ERBB4: variants seen among roughly 807,000 people sequenced by gnomAD.
The protein encoded by ERBB4 is receptor tyrosine-protein kinase erbB-4.
A neutral mutation model predicts 158.0 loss-of-function variants in ERBB4; 42 were observed. The ratio of observed to expected loss-of-function variants is 0.27; its 90% confidence interval spans 0.21 to 0.34. The LOEUF is 0.34. Ranked by LOEUF, ERBB4 falls within the 10% of genes least tolerant of loss-of-function variation. The pLI is 1.00. For synonymous variants in ERBB4, 583 were observed against 558.7 expected (o/e 1.04, Z -0.61); for missense variants, 1,333 against 1,624.1 (o/e 0.82, Z 3.08).
intron 20 of ERBB4, among the ~76,000 whole-genome samples, chr2:211,548,517 T>C (rs1402196053): frequency 6.6e-6 from 1 of 152,092 alleles, no homozygotes; most frequent in African/African-American, 2.4e-5. Flanking sequence ...CACACTGTAG[T>C]AGTTATAGAA....
At chr2:211,965,987 G>A (rs2081299835) in intron 2 of ERBB4, among the ~76,000 whole-genome samples, 1 of 152,152 alleles carries the variant, frequency 6.6e-6, no homozygotes, top group Admixed American at 6.5e-5. Context: ...CAGGGCAGGA[G>A]GCTTGCTTCA....
At chr2:212,446,624 T>TA (rs1208614817) in intron 1 of ERBB4, among the ~76,000 whole-genome samples, 4 of 80,578 alleles carry the variant, frequency 5.0e-5, no homozygotes, top group African/African-American at 1.6e-4. Flanking sequence ...TATATATATA[T>TA]ATATATATAT....
At chr2:211,910,573 G>T (rs1258582306) in intron 3 of ERBB4, among the ~76,000 whole-genome samples, 2 of 151,812 alleles carry the variant, frequency 1.3e-5, no homozygotes, top group African/African-American at 4.8e-5. Context: ...GGGGTCTTTT[G>T]CAGGGTGGAG....
chr2:211,756,677 G>A (rs1162654123), intron 4 of ERBB4, among the ~76,000 whole-genome samples: 2 of 152,158 alleles, frequency 1.3e-5, no homozygotes, highest in Non-Finnish European at 2.9e-5. Context: ...TTTATAGTCT[G>A]GTGAGGTACA....
chr2:211,698,333 A>AAG (rs2073102401), intron 12 of ERBB4, among the ~76,000 whole-genome samples: 1 of 149,372 alleles, frequency 6.7e-6, no homozygotes, highest in African/African-American at 2.5e-5. Context: ...AAAAAAAAAA[A>AAG]GGGGAATAAG....
At chr2:212,351,916 T>C (rs930292425) in intron 1 of ERBB4, among the ~76,000 whole-genome samples, 1 of 152,076 alleles carries the variant, frequency 6.6e-6, no homozygotes, top group South Asian at 2.1e-4. Flanking sequence ...TAAATCAACC[T>C]AAATGTCTAT....
At chr2:212,286,089 C>T (rs1314399279) in intron 1 of ERBB4, among the ~76,000 whole-genome samples, 1 of 152,086 alleles carries the variant, frequency 6.6e-6, no homozygotes, top group African/African-American at 2.4e-5. Flanking sequence ...AGTGTCTCCT[C>T]ATAATCACTT....
At chr2:211,939,967 ATAT>A (rs761494086) in intron 3 of ERBB4, among the ~76,000 whole-genome samples, 3 of 117,690 alleles carry the variant, frequency 2.5e-5, no homozygotes, top group African/African-American at 9.1e-5. Flanking sequence ...GAAAAAAAAA[ATAT>A]ATATATATAT....
intron 1 of ERBB4, among the ~76,000 whole-genome samples, chr2:212,491,314 T>G (rs541133757): frequency 6.6e-6 from 1 of 151,728 alleles, no homozygotes; most frequent in East Asian, 1.9e-4. Flanking sequence ...CTAGACTCAC[T>G]TTATTTCATT....
rs74395874 is a variant in ERBB4, at chr2:211,705,269, A to T, written c.1198+49T>A. On this transcript the variant is annotated intron_variant, in intron 10 of 27. Transcript: ENST00000342788. ...GCCCAGTCAATCTTGTGTAATTTTT[A>T]AAAAAATTATATTGTTCATAGCGCA... 143,322 of 1,310,030 alleles carry T rather than the reference A, an allele frequency of 0.11. 10,044 individuals carry two copies. The highest frequency in any genetic ancestry group is 0.13 in the Non-Finnish European group (119,388 of 907,542). 81.2% of individuals were successfully genotyped at this position (1,310,030 alleles called of 1,614,324 possible).
At chr2:211,426,366 T>TC (rs2063627164) in intron 22 of ERBB4, among the ~76,000 whole-genome samples, 1 of 152,186 alleles carries the variant, frequency 6.6e-6, no homozygotes, top group Non-Finnish European at 1.5e-5. Flanking sequence ...GTGAGAATTT[T>TC]CCATAAAGGT....
At chr2:211,389,189 C>T (rs1021800199) in intron 25 of ERBB4, among the ~76,000 whole-genome samples, 1 of 152,138 alleles carries the variant, frequency 6.6e-6, no homozygotes. Context: ...GCACCTGCCA[C>T]CACGCCTGGA....
chr2:212,242,115 TAAC>T (rs2084130550), intron 1 of ERBB4, among the ~76,000 whole-genome samples: 1 of 151,900 alleles, frequency 6.6e-6, no homozygotes, highest in Non-Finnish European at 1.5e-5. Context: ...AATCTCAACA[TAAC>T]AAGATGTTTA....
In ERBB4 at chr2:211,843,415, G is replaced by GCGCA. The variant is rs147810608; in HGVS notation, c.422-55257_422-55256insTGCG. 7.3e-5 allele frequency among the ~76,000 whole-genome samples: 11 copies of GCGCA among 149,930 alleles called. No individual in the cohort carries two copies. In the East Asian group the frequency reaches 1.6e-3, roughly 22 times the overall value. On this transcript the variant is annotated intron_variant, in intron 3 of 27. Coordinates refer to ENST00000342788, the MANE Select transcript of ERBB4 (RefSeq NM_005235.3). ...GGCTGGTGCACATGTGCGTGCGTGT[G>GCGCA]CACACACACACACACACACACAGCA...
At chr2:212,116,819 G>C (rs1051638735) in intron 2 of ERBB4, among the ~76,000 whole-genome samples, 5 of 151,976 alleles carry the variant, frequency 3.3e-5, no homozygotes, top group African/African-American at 1.2e-4. Flanking sequence ...GCCAAATAAA[G>C]AATATAGACC....
At chr2:212,248,033 T>C (rs959589326) in intron 1 of ERBB4, among the ~76,000 whole-genome samples, 3 of 152,158 alleles carry the variant, frequency 2.0e-5, no homozygotes, top group Non-Finnish European at 2.9e-5. Context: ...TCATTGTGGT[T>C]TGAGTTTAAG....
rs1559585553 is a variant in ERBB4, at chr2:211,861,060, TAAATATAATATATTTATATATTATAAA to T, written c.422-72928_422-72902del. On this transcript the variant is annotated intron_variant, in intron 3 of 27. Transcript: ENST00000342788. ...ATATATTTATATATTTATATATATATAAATATAATATATTTATATATTATAAAATATATAAATACATTATATATATTT... is the reference window on the plus strand; with the variant it reads ...ATATATTTATATATTTATATATATATATATATAAATACATTATATATATTT... Among the ~76,000 whole-genome samples the T allele has an allele frequency of 6.6e-3, 267 of 40,554 alleles. 4 individuals carry two copies. Among genetic ancestry groups the T allele is most frequent in the South Asian group, 0.014 (18 of 1,268 alleles). The allele number at this position is 40,554 out of a possible 152,430, so 26.6% of individuals were successfully genotyped here.
chr2:211,672,420 TA>T (rs1196957048), intron 14 of ERBB4, among the ~76,000 whole-genome samples: 5 of 152,162 alleles, frequency 3.3e-5, no homozygotes, highest in South Asian at 2.1e-4. Flanking sequence ...AAGAGAGGTC[TA>T]AAAAATAATT....
intron 3 of ERBB4, among the ~76,000 whole-genome samples, chr2:211,812,734 A>G (rs913109553): frequency 8.5e-5 from 13 of 152,300 alleles, no homozygotes; most frequent in African/African-American, 2.9e-4. Context: ...TGACCTACAC[A>G]AGCCTCAGCA....
Sources: gnomAD v4.1 joint callset for allele counts (sites outside exome capture counted in the v4.1 genomes callset) on GRCh38, gnomAD v4.1.1 for gene constraint, MANE v1.5 for transcripts, NCBI Gene and HGNC (gene_info 2026-07-23, HGNC 2026-07-21) for gene names.